The following MYT1L variants were observed in gnomAD, a reference collection of about 807,000 sequenced individuals.
The protein encoded by MYT1L is myelin transcription factor 1 like.
Under a neutral mutation model 126.7 loss-of-function variants are expected in MYT1L, and 12 were observed. The ratio of observed to expected loss-of-function variants is 0.09; its 90% CI spans 0.06 to 0.15. The LOEUF (loss-of-function observed/expected upper bound fraction) is 0.15. MYT1L is among the 10% of genes least tolerant of loss of function. The probability of loss-of-function intolerance (pLI) is 1.00; values close to 1 mark genes in which losing one functional copy is unlikely to be tolerated. For synonymous variants in MYT1L, 541 were observed against 604.2 expected, an observed-to-expected ratio of 0.90 and a Z score of 1.53; for missense variants, 979 against 1,585.2, an observed-to-expected ratio of 0.62 and a Z score of 6.49.
intron 2 of MYT1L, among the ~76,000 whole-genome samples, chr2:2,241,490 G>C (rs1288204610): frequency 6.6e-6 from 1 of 152,152 alleles, no homozygotes; most frequent in East Asian, 1.9e-4. Context: ...AACTCATTGC[G>C]GCCCTGCAGA....
At chr2:2,154,849 G>A (rs1399102752) in intron 3 of MYT1L, among the ~76,000 whole-genome samples, 9 of 152,192 alleles carry the variant, frequency 5.9e-5, no homozygotes, top group Admixed American at 3.3e-4. Flanking sequence ...AAATGCGGCC[G>A]GGTGCAGTGG....
At chr2:2,044,431 C>G (rs2067918252) in intron 4 of MYT1L, among the ~76,000 whole-genome samples, 1 of 152,160 alleles carries the variant, frequency 6.6e-6, no homozygotes, top group African/African-American at 2.4e-5. Context: ...CCAACACTCC[C>G]TGCATCCCAG....
Position 2,183,400 on chromosome 2 carries a change from G to A in MYT1L, c.-420-10412C>T, listed in dbSNP as rs539734531. ...GAGGAGAGAAAGGGTGGGGCCAGGC[G>A]GTAGGAAGAGAGAAGGAGCCTGGAA... On this transcript the variant is annotated intron_variant, in intron 2 of 24. Coordinates refer to ENST00000647738, the MANE Select transcript of MYT1L (RefSeq NM_001303052.2). Among the ~76,000 whole-genome samples the A allele has an allele frequency of 2.6e-5, 4 of 152,174 alleles. No homozygotes were observed. The South Asian group carries it at 6.2e-4, about 24-fold the overall frequency.
At chr2:2,085,109 C>T (rs1007811392) in intron 3 of MYT1L, among the ~76,000 whole-genome samples, 4 of 152,106 alleles carry the variant, frequency 2.6e-5, no homozygotes, top group African/African-American at 9.7e-5. Flanking sequence ...CTCTGCAGGC[C>T]CTCCTATCTG....
At chr2:2,127,033 T>C (rs1026692634) in intron 3 of MYT1L, among the ~76,000 whole-genome samples, 5 of 152,244 alleles carry the variant, frequency 3.3e-5, no homozygotes, top group Admixed American at 6.5e-5. Flanking sequence ...AAGAGCTGAA[T>C]TGCCTTATAG....
At chr2:2,077,309 A>C (rs1326426957) in intron 3 of MYT1L, among the ~76,000 whole-genome samples, 2 of 152,188 alleles carry the variant, frequency 1.3e-5, no homozygotes, top group Non-Finnish European at 2.9e-5. Context: ...AGCTTTCCAA[A>C]TTGATGAAAC....
chr2:2,198,334 G>A (rs2092916624), intron 2 of MYT1L, among the ~76,000 whole-genome samples: 1 of 152,090 alleles, frequency 6.6e-6, no homozygotes, highest in Non-Finnish European at 1.5e-5. Flanking sequence ...AGAGGACCGA[G>A]CTCTGGTATT....
chr2:2,223,616 A>G (rs11127371), intron 2 of MYT1L, among the ~76,000 whole-genome samples: 30,987 of 152,198 alleles, frequency 0.2, 3,453 homozygotes, highest in South Asian at 0.29. Context: ...TTCTCCATAT[A>G]TTTGACCATT....
At chr2:2,320,176 C>T (rs928324823) in intron 1 of MYT1L, among the ~76,000 whole-genome samples, 3 of 152,020 alleles carry the variant, frequency 2.0e-5, no homozygotes, top group Non-Finnish European at 4.4e-5. Flanking sequence ...CACTGGGGTG[C>T]AGACATAGTC....
chr2:2,062,126 A>G (rs1411574296), intron 3 of MYT1L, among the ~76,000 whole-genome samples: 1 of 152,192 alleles, frequency 6.6e-6, no homozygotes, highest in Non-Finnish European at 1.5e-5. Context: ...TTCTGCCCCC[A>G]GCATGGTTGT....
intron 3 of MYT1L, among the ~76,000 whole-genome samples, chr2:2,153,743 C>G (rs2086225427): frequency 6.6e-6 from 1 of 152,056 alleles, no homozygotes; most frequent in Non-Finnish European, 1.5e-5. Context: ...TGGAGGCCGG[C>G]CTGAATAGAG....
chr2:1,791,481 TGTG>T lies in MYT1L; in HGVS notation c.*383_*385del, dbSNP rs2147779993. On this transcript the variant is annotated 3_prime_UTR_variant, in exon 25 of 25. Coordinates refer to ENST00000647738, the MANE Select transcript of MYT1L (RefSeq NM_001303052.2). The surrounding 1 kb of genome is among the most constrained non-coding windows in gnomAD (Gnocchi z 6.0). The stretch of plus-strand genomic sequence containing the variant: ...AGCTGTGGGTCTGTGTGTGCGTGTG[TGTG>T]TTTGTGTGTCCATTTCAGTTCAAAA... The T allele has an allele frequency of 8.9e-6, 3 of 336,622 alleles. No homozygotes were observed. The highest frequency in any genetic ancestry group is 1.7e-5 in the Non-Finnish European group (3 of 172,958). 20.9% of individuals were successfully genotyped at this position (336,622 alleles called of 1,614,324 possible).
At chr2:2,238,530 T>C (rs1327988177) in intron 2 of MYT1L, among the ~76,000 whole-genome samples, 3 of 152,234 alleles carry the variant, frequency 2.0e-5, no homozygotes, top group Non-Finnish European at 2.9e-5. Flanking sequence ...TTGAGATCCA[T>C]TGTGCTGGGT....
intron 8 of MYT1L, among the ~76,000 whole-genome samples, chr2:1,968,758 T>C (rs1032315390): frequency 6.6e-6 from 1 of 152,168 alleles, no homozygotes; most frequent in Non-Finnish European, 1.5e-5. Flanking sequence ...GGCTCCTCAC[T>C]GGGCTCTCTT....
intron 18 of MYT1L, among the ~76,000 whole-genome samples, chr2:1,861,893 T>TTCTGCAGCCTGTGTAATTCTAGATCTG (rs1558191222): frequency 7.3e-4 from 3 of 4,134 alleles, no homozygotes; most frequent in Admixed American, 3.6e-3. Context: ...TCCTGGATCC[T>TTCTGCAGCCTGTGTAATTCTAGATCTG]CCTACAGCCT....
intron 8 of MYT1L, among the ~76,000 whole-genome samples, chr2:1,949,646 T>A (rs2057561408): frequency 6.6e-6 from 1 of 152,186 alleles, no homozygotes; most frequent in Admixed American, 6.5e-5. Flanking sequence ...AATTTTAATA[T>A]AAACAGGGAT....
At chr2:2,204,842 G>A (rs1172464678) in intron 2 of MYT1L, among the ~76,000 whole-genome samples, 1 of 152,020 alleles carries the variant, frequency 6.6e-6, no homozygotes, top group Non-Finnish European at 1.5e-5. Context: ...ATTCACAATA[G>A]CTAAGACTTG....
chr2:2,197,353 G>A (rs2092843692), intron 2 of MYT1L, among the ~76,000 whole-genome samples: 1 of 152,036 alleles, frequency 6.6e-6, no homozygotes, highest in African/African-American at 2.4e-5. Flanking sequence ...ATATGCAGAA[G>A]TATCTCCAAA....
chr2:2,004,927 C>G (rs1327384318), intron 4 of MYT1L, among the ~76,000 whole-genome samples: 1 of 149,988 alleles, frequency 6.7e-6, no homozygotes. Flanking sequence ...TTCCTGCAGG[C>G]ATTCTTTCCT....
Sources: allele counts gnomAD v4.1 joint callset (sites outside exome capture counted in the v4.1 genomes callset), GRCh38; gene constraint gnomAD v4.1.1; non-coding constraint Gnocchi (gnomAD v3.1); transcripts MANE v1.5; gene names NCBI Gene and HGNC (gene_info 2026-07-23, HGNC 2026-07-21).